Variants in PDE7B observed in about 807,000 individuals in gnomAD.
The protein encoded by PDE7B is 3',5'-cyclic-AMP phosphodiesterase 7B.
A neutral mutation model predicts 56.2 loss-of-function variants in PDE7B; 29 were observed. The observed-to-expected ratio is 0.52, with a 90% CI of 0.38 to 0.70. PDE7B has a LOEUF of 0.70. Ranked by LOEUF, PDE7B falls within the 30% of genes least tolerant of loss-of-function variation. The pLI, the probability that PDE7B is intolerant of heterozygous loss-of-function variation, is 0.00. For missense variants in PDE7B, 490 were observed against 565.0 expected, an observed-to-expected ratio of 0.87 and a Z score of 1.35; for synonymous variants, 197 against 196.9, an observed-to-expected ratio of 1.00 and a Z score of 0.00.
At chr6:136,146,945 G>A (rs181723603) in intron 3 of PDE7B, among the ~76,000 whole-genome samples, 112 of 152,176 alleles carry the variant, frequency 7.4e-4, no homozygotes, top group Middle Eastern at 3.4e-3. Flanking sequence ...GGCTCAAGAC[G>A]AGCCTGGGCA....
chr6:136,077,330 GT>G (rs34660153), intron 2 of PDE7B, among the ~76,000 whole-genome samples: 10 of 152,124 alleles, frequency 6.6e-5, no homozygotes, highest in Non-Finnish European at 1.3e-4. Flanking sequence ...AAGATGTGTG[GT>G]TTTTTTCAAT....
At chr6:136,056,038 G>T (rs988804243) in intron 2 of PDE7B, among the ~76,000 whole-genome samples, 1 of 152,182 alleles carries the variant, frequency 6.6e-6, no homozygotes, top group African/African-American at 2.4e-5. Flanking sequence ...GGAAAAAGAA[G>T]ACGGGAGCTA....
chr6:136,002,847 G>A (rs1475068489), intron 2 of PDE7B, among the ~76,000 whole-genome samples: 1 of 151,872 alleles, frequency 6.6e-6, no homozygotes, highest in East Asian at 1.9e-4. Flanking sequence ...TGCACCAAGT[G>A]GACCTAATAG....
intron 2 of PDE7B, among the ~76,000 whole-genome samples, chr6:136,086,173 C>T (rs948963658): frequency 2.6e-5 from 4 of 152,072 alleles, no homozygotes; most frequent in African/African-American, 7.2e-5. Context: ...AGTTGGATTG[C>T]GTGTCTGGGT....
chr6:135,930,716 C>T lies in PDE7B; in HGVS notation c.22-16748C>T, dbSNP rs542404481. On this transcript the variant is annotated intron_variant, in intron 1 of 12. Coordinates refer to ENST00000308191, the MANE Select transcript of PDE7B (RefSeq NM_018945.4). ...TAGGATGCTGGGTTGTGCAGCTGAGCTGGAAAATAAGAATAATCAACAATG... is the reference window on the plus strand; with the variant it reads ...TAGGATGCTGGGTTGTGCAGCTGAGTTGGAAAATAAGAATAATCAACAATG... Among the ~76,000 whole-genome samples, 4 of 152,114 alleles carry T rather than the reference C, an allele frequency of 2.6e-5. No homozygotes were observed. In the South Asian group the frequency reaches 8.3e-4, roughly 31 times the overall value.
At position 136,191,752 on chromosome 6, in the gene PDE7B, G is replaced by A; in HGVS notation, c.1265G>A (p.Arg422Lys). 6.2e-7 allele frequency: 1 copy of A among 1,602,220 alleles called. No individual in the cohort carries two copies. The highest frequency in any genetic ancestry group is 1.3e-5 in the African/African-American group (1 of 74,668). Residue 422 changes from arginine (R) to lysine (K), a missense_variant, in exon 13 of 13, where the codon AGA (arginine) becomes AAA (lysine). Arg to Lys is a conservative substitution (Grantham distance 26). Coordinates refer to ENST00000308191, the MANE Select transcript of PDE7B (RefSeq NM_018945.4). ...QWKSLLPRQH[R>K]SRGSSGSGPD... ...AAGAGCCTGTTGCCCAGGCAGCACA[G>A]AAGCAGGGGCAGCAGTGGCAGCGGG...
intron 1 of PDE7B, among the ~76,000 whole-genome samples, chr6:135,869,210 T>G (rs1775325307): frequency 6.6e-6 from 1 of 152,116 alleles, no homozygotes; most frequent in Non-Finnish European, 1.5e-5. Flanking sequence ...CTTTCGATGG[T>G]GTGAAAGTAT....
chr6:135,923,704 G>A (rs1380397933), intron 1 of PDE7B, among the ~76,000 whole-genome samples: 1 of 152,058 alleles, frequency 6.6e-6, no homozygotes, highest in East Asian at 1.9e-4. Flanking sequence ...GAATGAGAGA[G>A]CAAATGTCAA....
intron 1 of PDE7B, among the ~76,000 whole-genome samples, chr6:135,938,298 T>C (rs1018036873): frequency 9.2e-5 from 14 of 152,220 alleles, no homozygotes; most frequent in African/African-American, 3.4e-4. Context: ...AGCTATCTTT[T>C]TGAAAACAAA....
At chr6:136,142,402 G>A (rs1778342207) in intron 3 of PDE7B, among the ~76,000 whole-genome samples, 1 of 152,154 alleles carries the variant, frequency 6.6e-6, no homozygotes, top group Non-Finnish European at 1.5e-5. Context: ...GAATAGGTGT[G>A]GTGTGGTGCT....
chr6:136,017,657 C>G (rs1043956947), intron 2 of PDE7B, among the ~76,000 whole-genome samples: 1 of 152,022 alleles, frequency 6.6e-6, no homozygotes, highest in Admixed American at 6.6e-5. Context: ...ACCACGTAAA[C>G]TTTAAACTCT....
At chr6:136,147,224 C>A in intron 3 of PDE7B, 127 bp from the exon 4 acceptor site, 2 of 575,608 alleles carry the variant, frequency 3.5e-6, no homozygotes, top group Non-Finnish European at 3.1e-6. Flanking sequence ...TTCAATAGAC[C>A]ATATTTTTAA....
chr6:135,981,146 A>T (rs1391835862), intron 2 of PDE7B, among the ~76,000 whole-genome samples: 1 of 151,920 alleles, frequency 6.6e-6, no homozygotes, highest in Non-Finnish European at 1.5e-5. Context: ...GACATGGATG[A>T]AAGTGGAAAT....
At chr6:135,998,673 G>A (rs1025162931) in intron 2 of PDE7B, among the ~76,000 whole-genome samples, 8 of 151,968 alleles carry the variant, frequency 5.3e-5, no homozygotes, top group South Asian at 4.1e-4. Flanking sequence ...GGAGAATGGC[G>A]TGAACCCGGG....
intron 1 of PDE7B, among the ~76,000 whole-genome samples, chr6:135,859,743 C>CA (rs1045619534): frequency 4.0e-4 from 58 of 146,006 alleles, no homozygotes; most frequent in East Asian, 2.8e-3. Context: ...AGTAGTAATA[C>CA]AAAAAAAAAA....
At chr6:135,947,330 A>C in intron 1 of PDE7B, 134 bp from the exon 2 acceptor site, 1 of 698,328 alleles carries the variant, frequency 1.4e-6, no homozygotes, top group South Asian at 1.7e-5. Flanking sequence ...CTCATGACAT[A>C]AGTCCCTAGA....
At chr6:136,156,943 C>T (rs778620418) in intron 8 of PDE7B, among the ~76,000 whole-genome samples, 1 of 151,068 alleles carries the variant, frequency 6.6e-6, no homozygotes, top group Admixed American at 6.6e-5. Flanking sequence ...AACTGTTTAA[C>T]TAACCTTTAT....
chr6:135,964,095 TG>T (rs1354904661), intron 2 of PDE7B, among the ~76,000 whole-genome samples: 1 of 151,594 alleles, frequency 6.6e-6, no homozygotes, highest in Non-Finnish European at 1.5e-5. Flanking sequence ...AAGCTTTTTC[TG>T]GGTTTTTTTT....
In PDE7B at chr6:136,132,931, G is replaced by A. The variant is rs150244326; in HGVS notation, c.167-14420G>A. Among the ~76,000 whole-genome samples, 14 of 152,234 alleles carry A rather than the reference G, an allele frequency of 9.2e-5. No individual in the cohort carries two copies. In the East Asian group the frequency reaches 1.9e-3, roughly 21 times the overall value. ...AAGGTGCCACTACAATCCATAGAGC[G>A]CCGTGGGCACTAAGAGAGAAATCTC... is the stretch of plus-strand genomic sequence containing the variant. On this transcript the variant is annotated intron_variant, in intron 3 of 12. Coordinates refer to ENST00000308191, the MANE Select transcript of PDE7B (RefSeq NM_018945.4).
Sources: gnomAD v4.1 joint callset for allele counts (sites outside exome capture counted in the v4.1 genomes callset) on GRCh38, gnomAD v4.1.1 for gene constraint, MANE v1.5 for transcripts, NCBI Gene and HGNC (gene_info 2026-07-23, HGNC 2026-07-21) for gene names.